Variants in CDH4 observed in about 807,000 individuals in gnomAD.
The protein encoded by CDH4 is cadherin 4.
Under a neutral mutation model 86.0 loss-of-function variants are expected in CDH4, and 33 were observed. That is an observed-to-expected ratio of 0.38 (90% CI 0.29 to 0.51). The LOEUF is 0.51. Among genes scored for constraint, CDH4 ranks in the 20% least tolerant of loss-of-function variants. The probability of loss-of-function intolerance (pLI) is 0.86; values close to 1 mark genes in which losing one functional copy is unlikely to be tolerated. For missense variants in CDH4, 1,114 were observed against 1,307.4 expected (o/e 0.85, Z 2.28); for synonymous variants, 555 against 549.4 (o/e 1.01, Z -0.14).
At chr20:61,662,770 T>C (rs6061709) in intron 2 of CDH4, among the ~76,000 whole-genome samples, 40,512 of 151,986 alleles carry the variant, frequency 0.27, 6,738 homozygotes, top group African/African-American at 0.48. Flanking sequence ...ATGGCGAGGG[T>C]ACCTGTGCAC....
chr20:61,856,511 A>C (rs1443014811), intron 6 of CDH4, among the ~76,000 whole-genome samples: 2 of 120,354 alleles, frequency 1.7e-5, no homozygotes, highest in Non-Finnish European at 3.4e-5. Flanking sequence ...AGGGCCCTGC[A>C]TGCATCCCAC....
chr20:61,411,336 A>G (rs915691665), intron 2 of CDH4, among the ~76,000 whole-genome samples: 4 of 147,888 alleles, frequency 2.7e-5, no homozygotes, highest in Admixed American at 6.8e-5. Flanking sequence ...CTCTGGGTTC[A>G]TCTAGTATGA....
rs1009824327 is a variant in CDH4, at chr20:61,338,527, G to C, written c.169+83590G>C. 3.3e-5 allele frequency among the ~76,000 whole-genome samples: 5 copies of C among 152,098 alleles called. No individual in the cohort carries two copies. The East Asian group carries it at 7.7e-4, about 23-fold the overall frequency. On this transcript the variant is annotated intron_variant, in intron 2 of 15. Coordinates refer to ENST00000614565, the MANE Select transcript of CDH4 (RefSeq NM_001794.5). Reference sequence around the variant, plus strand: ...TGGACTTGGGGACTTGTCTCTTGCTGCTTCTCCTGCCTAGATATTTGCTCC... The same window carrying C: ...TGGACTTGGGGACTTGTCTCTTGCTCCTTCTCCTGCCTAGATATTTGCTCC...
intron 2 of CDH4, among the ~76,000 whole-genome samples, chr20:61,514,306 G>GCCCCCCCCCCCCCCCCCC (rs1215793319): frequency 1.8e-4 from 23 of 125,788 alleles, no homozygotes; most frequent in African/African-American, 7.1e-4. Flanking sequence ...GCCTCAGTCC[G>GCCCCCCCCCCCCCCCCCC]CCCCCCCCGC....
intron 4 of CDH4, among the ~76,000 whole-genome samples, chr20:61,794,756 C>T (rs541463708): frequency 1.2e-3 from 188 of 152,330 alleles, no homozygotes; most frequent in African/African-American, 4.4e-3. Flanking sequence ...AGCAGGACTG[C>T]AAAGTGCATG....
chr20:61,729,829 C>T (rs985007776), intron 2 of CDH4, among the ~76,000 whole-genome samples: 3 of 152,130 alleles, frequency 2.0e-5, no homozygotes, highest in Non-Finnish European at 2.9e-5. Flanking sequence ...GAAGAAAAGC[C>T]AGAGGGAGAC....
At chr20:61,456,906 C>G (rs140423575) in intron 2 of CDH4, among the ~76,000 whole-genome samples, 1 of 152,180 alleles carries the variant, frequency 6.6e-6, no homozygotes, top group African/African-American at 2.4e-5. Context: ...AGTTAACATG[C>G]TGGGAATGAG....
chr20:61,560,975 A>G (rs2145686839), intron 2 of CDH4, among the ~76,000 whole-genome samples: 1 of 152,322 alleles, frequency 6.6e-6, no homozygotes, highest in East Asian at 1.9e-4. Flanking sequence ...GCAGATGACC[A>G]GGCAGGGGAT....
intron 2 of CDH4, among the ~76,000 whole-genome samples, chr20:61,567,824 T>C (rs1349362161): frequency 6.6e-6 from 1 of 151,940 alleles, no homozygotes; most frequent in African/African-American, 2.4e-5. Flanking sequence ...TGTTAAAAAG[T>C]TAGCCAGGTG....
At chr20:61,826,057 C>T (rs1174963810) in intron 4 of CDH4, among the ~76,000 whole-genome samples, 5 of 152,170 alleles carry the variant, frequency 3.3e-5, no homozygotes, top group African/African-American at 1.2e-4. Context: ...CACGGTCCTC[C>T]CTGCTTCTGC....
At chr20:61,305,473 G>A (rs2084411420) in intron 2 of CDH4, among the ~76,000 whole-genome samples, 1 of 152,228 alleles carries the variant, frequency 6.6e-6, no homozygotes, top group African/African-American at 2.4e-5. Context: ...GCTGGTGTGG[G>A]GACCACACTT....
At chr20:61,695,903 G>A (rs2087710455) in intron 2 of CDH4, among the ~76,000 whole-genome samples, 1 of 152,188 alleles carries the variant, frequency 6.6e-6, no homozygotes, top group African/African-American at 2.4e-5. Flanking sequence ...AGCTCCTCCT[G>A]TGGGGTCTCC....
At chr20:61,367,681 C>G (rs1057039915) in intron 2 of CDH4, among the ~76,000 whole-genome samples, 4 of 152,030 alleles carry the variant, frequency 2.6e-5, no homozygotes, top group Non-Finnish European at 4.4e-5. Context: ...CACTTTCTTG[C>G]GGCAAAATGT....
At chr20:61,575,161 T>C (rs931425741) in intron 2 of CDH4, among the ~76,000 whole-genome samples, 1 of 152,196 alleles carries the variant, frequency 6.6e-6, no homozygotes, top group African/African-American at 2.4e-5. Flanking sequence ...AGGAGCAGCT[T>C]GATCCAGAGG....
chr20:61,939,047 T>G lies in CDH4; in HGVS notation c.*2104T>G, dbSNP rs1437365590. The G allele has an allele frequency of 1.3e-5, 2 of 152,332 alleles. No homozygotes were observed. The highest frequency in any genetic ancestry group is 2.9e-5 in the Non-Finnish European group (2 of 68,144). 9.4% of individuals were successfully genotyped at this position (152,332 alleles called of 1,614,324 possible). On this transcript the variant is annotated 3_prime_UTR_variant, in exon 16 of 16. Transcript: ENST00000614565. The stretch of plus-strand genomic sequence containing the variant: ...CTGAGCTGTGCTATGCAAACAAGAA[T>G]GCTCCTGTGTGGGGGGGCATGGCCG...
chr20:61,771,322 CTTT>C (rs1159966756), intron 3 of CDH4, among the ~76,000 whole-genome samples: 1 of 150,254 alleles, frequency 6.7e-6, no homozygotes, highest in Non-Finnish European at 1.5e-5. Flanking sequence ...TTTTTCTATC[CTTT>C]AAAAAAATGC....
chr20:61,331,224 C>T (rs1013264834), intron 2 of CDH4, among the ~76,000 whole-genome samples: 2 of 151,942 alleles, frequency 1.3e-5, no homozygotes, highest in Non-Finnish European at 2.9e-5. Context: ...ATCTCCATAG[C>T]CACCCTCTAA....
intron 4 of CDH4, among the ~76,000 whole-genome samples, chr20:61,832,937 GC>G (rs1441041737): frequency 6.6e-6 from 1 of 152,158 alleles, no homozygotes; most frequent in Non-Finnish European, 1.5e-5. Context: ...TCAGCCTATT[GC>G]TGTTACCCCT....
At chr20:61,816,463 C>T (rs772587021) in intron 4 of CDH4, among the ~76,000 whole-genome samples, 9 of 152,182 alleles carry the variant, frequency 5.9e-5, no homozygotes, top group Non-Finnish European at 1.2e-4. Context: ...CTTATAATAA[C>T]TGAGGCTATT....
Sources: gnomAD v4.1 joint callset for allele counts (sites outside exome capture counted in the v4.1 genomes callset) on GRCh38, gnomAD v4.1.1 for gene constraint, MANE v1.5 for transcripts, NCBI Gene and HGNC (gene_info 2026-07-23, HGNC 2026-07-21) for gene names.